The following LRRC4C variants were observed in gnomAD, a reference collection of about 807,000 sequenced individuals.
LRRC4C encodes leucine-rich repeat-containing protein 4C.
LRRC4C carries 5 observed loss-of-function variants against 33.6 expected under a neutral mutation model. The ratio of observed to expected loss-of-function variants is 0.15; its 90% confidence interval spans 0.08 to 0.31. The LOEUF (loss-of-function observed/expected upper bound fraction) is 0.31. Ranked by LOEUF, LRRC4C falls within the 10% of genes least tolerant of loss-of-function variation. The pLI is 1.00. For missense variants in LRRC4C, 560 were observed against 796.7 expected, an observed-to-expected ratio of 0.70 and a Z score of 3.58; for synonymous variants, 329 against 302.0, an observed-to-expected ratio of 1.09 and a Z score of -0.93.
chr11:40,299,478 C>A (rs2136653791), intron 4 of LRRC4C, among the ~76,000 whole-genome samples: 1 of 152,262 alleles, frequency 6.6e-6, no homozygotes, highest in Non-Finnish European at 1.5e-5. Flanking sequence ...TTTAAATGAA[C>A]AAACATTAAA....
chr11:41,415,521 T>G (rs1591468960), intron 1 of LRRC4C, among the ~76,000 whole-genome samples: 1 of 152,154 alleles, frequency 6.6e-6, no homozygotes, highest in South Asian at 2.1e-4. Context: ...TAATTTATGG[T>G]TTCAGTCTCT....
At chr11:41,077,113 G>T (rs1271884649) in intron 1 of LRRC4C, among the ~76,000 whole-genome samples, 1 of 152,150 alleles carries the variant, frequency 6.6e-6, no homozygotes, top group African/African-American at 2.4e-5. Flanking sequence ...CACTCTGCAG[G>T]GTTCAGTCCC....
At chr11:40,398,645 C>T in intron 3 of LRRC4C, among the ~76,000 whole-genome samples, 1 of 151,976 alleles carries the variant, frequency 6.6e-6, no homozygotes, top group East Asian at 1.9e-4. Flanking sequence ...GAAAATGCAA[C>T]AGGGTCAAAC....
In LRRC4C at chr11:41,459,472, A is replaced by G. The variant is rs1218382812; in HGVS notation, c.-537T>C. On this transcript the variant is annotated 5_prime_UTR_variant, in exon 1 of 7. Coordinates refer to ENST00000528697, the MANE Select transcript of LRRC4C (RefSeq NM_001258419.2). Reference sequence around the variant, plus strand: ...CAAAGTTCACCAAGGAAAATTTACAATCCTCTAGCTTGCCGTGCACTACTC... The same window carrying G: ...CAAAGTTCACCAAGGAAAATTTACAGTCCTCTAGCTTGCCGTGCACTACTC... 6 of 151,972 alleles carry G rather than the reference A, an allele frequency of 3.9e-5. No individual in the cohort carries two copies. Among genetic ancestry groups the G allele is most frequent in the East Asian group, 1.9e-4 (1 of 5,182 alleles). 9.4% of individuals were successfully genotyped at this position (151,972 alleles called of 1,614,324 possible). A position where few individuals can be genotyped will look rare whatever the true frequency, so the allele number is the denominator to read the frequency against.
At chr11:41,091,665 T>G (rs970913825) in intron 1 of LRRC4C, among the ~76,000 whole-genome samples, 6 of 152,116 alleles carry the variant, frequency 3.9e-5, no homozygotes, top group African/African-American at 1.4e-4. Flanking sequence ...ACAATAAAAG[T>G]ATAATAAATA....
intron 1 of LRRC4C, among the ~76,000 whole-genome samples, chr11:40,970,773 T>C (rs1421415411): frequency 5.3e-5 from 8 of 152,080 alleles, no homozygotes; most frequent in Non-Finnish European, 1.0e-4. Context: ...TAGGCTGAGG[T>C]GGACCCAGAT....
At chr11:40,496,185 A>G (rs1954447270) in intron 3 of LRRC4C, among the ~76,000 whole-genome samples, 1 of 152,086 alleles carries the variant, frequency 6.6e-6, no homozygotes, top group African/African-American at 2.4e-5. Flanking sequence ...CAGGAAAATA[A>G]TGATTTCATT....
chr11:40,238,599 T>C (rs1865725819), intron 5 of LRRC4C, among the ~76,000 whole-genome samples: 1 of 152,194 alleles, frequency 6.6e-6, no homozygotes, highest in South Asian at 2.1e-4. Flanking sequence ...AATACTCCAG[T>C]GTAACTTTCA....
intron 1 of LRRC4C, among the ~76,000 whole-genome samples, chr11:41,062,205 C>T (rs1249151934): frequency 6.6e-6 from 1 of 152,180 alleles, no homozygotes; most frequent in Non-Finnish European, 1.5e-5. Flanking sequence ...GGTATTAAGC[C>T]TAGTACCCAT....
At chr11:40,735,770 C>G (rs1363130006) in intron 2 of LRRC4C, among the ~76,000 whole-genome samples, 1 of 149,518 alleles carries the variant, frequency 6.7e-6, no homozygotes, top group East Asian at 1.9e-4. Context: ...TTTACAGTCC[C>G]ACCAACAGCG....
intron 2 of LRRC4C, among the ~76,000 whole-genome samples, chr11:40,665,338 A>G (rs1190299753): frequency 2.0e-4 from 3 of 15,086 alleles, no homozygotes; most frequent in Admixed American, 9.7e-4. Flanking sequence ...ATATATATAT[A>G]TATATATATA....
chr11:40,922,052 T>C (rs1455027711), intron 2 of LRRC4C, among the ~76,000 whole-genome samples: 3 of 152,158 alleles, frequency 2.0e-5, no homozygotes, highest in Non-Finnish European at 4.4e-5. Flanking sequence ...TATCAAATAC[T>C]TTGCAAACTA....
intron 4 of LRRC4C, among the ~76,000 whole-genome samples, chr11:40,250,078 T>C (rs565328902): frequency 1.3e-5 from 2 of 152,286 alleles, no homozygotes; most frequent in African/African-American, 4.8e-5. Context: ...CTAGGAGAGA[T>C]CAGAGACCAG....
chr11:40,808,397 T>C (rs1951341904), intron 2 of LRRC4C, among the ~76,000 whole-genome samples: 1 of 152,174 alleles, frequency 6.6e-6, no homozygotes, highest in Admixed American at 6.5e-5. Flanking sequence ...AACCTTCCTA[T>C]ACCTATTACT....
intron 3 of LRRC4C, among the ~76,000 whole-genome samples, chr11:40,547,187 C>T (rs1464083241): frequency 2.0e-5 from 3 of 152,118 alleles, no homozygotes; most frequent in African/African-American, 7.2e-5. Flanking sequence ...CTATATTCAG[C>T]TGAGAGCACC....
chr11:40,781,551 C>A (rs766132349), intron 2 of LRRC4C, among the ~76,000 whole-genome samples: 1 of 152,116 alleles, frequency 6.6e-6, no homozygotes. Flanking sequence ...CTTGAACTTA[C>A]AGATAAATTT....
intron 1 of LRRC4C, among the ~76,000 whole-genome samples, chr11:41,082,671 G>A (rs1939668264): frequency 6.6e-6 from 1 of 152,174 alleles, no homozygotes; most frequent in Non-Finnish European, 1.5e-5. Context: ...ACGCAGGTCT[G>A]TTTGCTCTGC....
At chr11:40,581,536 C>G (rs544580879) in intron 3 of LRRC4C, among the ~76,000 whole-genome samples, 2 of 152,244 alleles carry the variant, frequency 1.3e-5, no homozygotes, top group African/African-American at 4.8e-5. Context: ...AGTTCCATCT[C>G]ATTTTCATTT....
chr11:41,397,775 C>A (rs964988283), intron 1 of LRRC4C, among the ~76,000 whole-genome samples: 1 of 151,796 alleles, frequency 6.6e-6, no homozygotes, highest in African/African-American at 2.4e-5. Context: ...CTAAGGCTAG[C>A]TTTTAATAAT....
Sources: allele counts gnomAD v4.1 joint callset (sites outside exome capture counted in the v4.1 genomes callset), GRCh38; gene constraint gnomAD v4.1.1; transcripts MANE v1.5; gene names NCBI Gene and HGNC (gene_info 2026-07-23, HGNC 2026-07-21).